Variants in KIAA0586 observed in about 807,000 individuals in gnomAD.
KIAA0586 encodes KIAA0586.
KIAA0586 carries 144 observed loss-of-function variants against 169.8 expected under a neutral mutation model. The observed-to-expected ratio is 0.85, with a 90% confidence interval of 0.74 to 0.97. The LOEUF (loss-of-function observed/expected upper bound fraction) is 0.97, where lower values mean the gene tolerates loss of function less well. Ranked by LOEUF, KIAA0586 falls within the 50% of genes least tolerant of loss-of-function variation. The pLI is 0.00. For missense variants in KIAA0586, 1,854 were observed against 1,823.0 expected (o/e 1.02, Z -0.31); for synonymous variants, 625 against 612.4 (o/e 1.02, Z -0.30).
intron 29 of KIAA0586, among the ~76,000 whole-genome samples, chr14:58,517,849 A>G (rs2044876325): frequency 6.6e-6 from 1 of 152,222 alleles, no homozygotes; most frequent in Admixed American, 6.5e-5. Flanking sequence ...TCTCAGTTGC[A>G]TTAAATGTAG....
rs553768598 is a variant in KIAA0586 at position 58,491,206 on chromosome 14, G to A, written c.3859-938G>A. ...CAAAGCATGTTTAAATTTATTTAAA[G>A]TAAATAGCTAAACCAAACCAAGACT... On this transcript the variant is annotated intron_variant, in intron 25 of 30. Transcript: ENST00000652326. Among the ~76,000 whole-genome samples the A allele has an allele frequency of 8.5e-5, 13 of 152,200 alleles. No individual in the cohort carries two copies. In the South Asian group the frequency reaches 2.7e-3, roughly 32 times the overall value.
chr14:58,539,064 A>G (rs28464638), intron 29 of KIAA0586, among the ~76,000 whole-genome samples: 64,940 of 152,052 alleles, frequency 0.43, 14,844 homozygotes, highest in African/African-American at 0.61. Flanking sequence ...ACAGGCATGA[A>G]CCACCTCACC....
the KIAA0586 span, among the ~76,000 whole-genome samples, chr14:58,557,573 G>A: frequency 6.6e-6 from 1 of 152,190 alleles, no homozygotes; most frequent in Non-Finnish European, 1.5e-5. Flanking sequence ...CCACCAGACC[G>A]AGAGATTTCA....
At chr14:58,472,861 G>C (rs906681011) in intron 18 of KIAA0586, among the ~76,000 whole-genome samples, 2 of 147,810 alleles carry the variant, frequency 1.4e-5, no homozygotes. Flanking sequence ...TTAGAGCTAA[G>C]ATCAGTTTTG....
intron 26 of KIAA0586, among the ~76,000 whole-genome samples, chr14:58,497,659 C>T (rs944555424): frequency 1.3e-5 from 2 of 151,852 alleles, no homozygotes; most frequent in African/African-American, 4.8e-5. Flanking sequence ...CGCCAGGCCT[C>T]TATACTTTTA....
At chr14:58,450,277 T>C (rs568550298) in intron 7 of KIAA0586, among the ~76,000 whole-genome samples, 2 of 152,344 alleles carry the variant, frequency 1.3e-5, no homozygotes, top group Admixed American at 1.3e-4. Flanking sequence ...CCTATACTTA[T>C]TGCCAGATGG....
chr14:58,547,679 T>G, intron 30 of KIAA0586, 102 bp from the exon 31 acceptor site: 1 of 976,724 alleles, frequency 1.0e-6, no homozygotes, highest in Non-Finnish European at 1.5e-6. Flanking sequence ...TTATTTGGAA[T>G]CCGCGCCCCC....
chr14:58,458,951 C>T (rs2040099329), intron 12 of KIAA0586, among the ~76,000 whole-genome samples: 2 of 152,128 alleles, frequency 1.3e-5, no homozygotes, highest in South Asian at 4.1e-4. Context: ...GAAGTCAGTT[C>T]CAGATGGAAA....
At chr14:58,555,874 G>A (rs556932477), downstream of KIAA0586, among the ~76,000 whole-genome samples, 1 of 152,274 alleles carries the variant, frequency 6.6e-6, no homozygotes, top group Non-Finnish European at 1.5e-5. Flanking sequence ...GGGGATAGAT[G>A]TCAATTTGAT....
Position 58,488,004 on chromosome 14 carries a change from T to C in KIAA0586, c.3422T>C (p.Leu1141Ser), listed in dbSNP as rs755937342. Residue 1141 changes from leucine to serine, a missense_variant, in exon 23 of 31, where the codon TTG (leucine) becomes TCG (serine). By Grantham distance (145) the Leu-to-Ser change is moderately radical. Coordinates refer to ENST00000652326, the MANE Select transcript of KIAA0586 (RefSeq NM_001329943.3). Reference sequence around the variant, plus strand: ...TTGTCAGATATTTCCATTGATAAATTGAAGGTATCAAGCCCAGAGCTTCCC... The same window carrying C: ...TTGTCAGATATTTCCATTGATAAATCGAAGGTATCAAGCCCAGAGCTTCCC... ...PTLSDISIDK[L>S]KVSSPELPKP... The C allele has an allele frequency of 2.5e-6, 4 of 1,612,324 alleles. No homozygotes were observed. The highest frequency in any genetic ancestry group is 3.4e-6 in the Non-Finnish European group (4 of 1,179,298).
At chr14:58,495,959 C>T (rs1388308263) in intron 26 of KIAA0586, among the ~76,000 whole-genome samples, 4 of 152,154 alleles carry the variant, frequency 2.6e-5, no homozygotes, top group African/African-American at 9.7e-5. Flanking sequence ...CCATGTCACA[C>T]ATAATGCTTT....
downstream of KIAA0586, among the ~76,000 whole-genome samples, chr14:58,555,052 G>T (rs1303983363): frequency 5.3e-5 from 8 of 150,954 alleles, no homozygotes; most frequent in Non-Finnish European, 1.2e-4. Flanking sequence ...ACAAAGTCTA[G>T]CAATGTTTTC....
chr14:58,535,699 ATTTT>A (rs3041108), intron 29 of KIAA0586, among the ~76,000 whole-genome samples: 15 of 141,288 alleles, frequency 1.1e-4, no homozygotes, highest in African/African-American at 1.6e-4. Context: ...AATTTATTGG[ATTTT>A]TTTTTTTTTT....
At chr14:58,439,030 A>G (rs571138842) in intron 4 of KIAA0586, among the ~76,000 whole-genome samples, 1 of 152,326 alleles carries the variant, frequency 6.6e-6, no homozygotes, top group South Asian at 2.1e-4. Context: ...TACGGTTGAG[A>G]GAGAGAAGTG....
chr14:58,561,278 A>G, the KIAA0586 span, among the ~76,000 whole-genome samples: 1 of 152,336 alleles, frequency 6.6e-6, no homozygotes, highest in East Asian at 1.9e-4. Context: ...TTCTTGCTAT[A>G]CATTTACATC....
intron 6 of KIAA0586, among the ~76,000 whole-genome samples, chr14:58,444,968 C>T (rs1405873280): frequency 6.7e-6 from 1 of 150,042 alleles, no homozygotes; most frequent in African/African-American, 2.5e-5. Context: ...TGGCATGTGC[C>T]TGTAGTCCCA....
chr14:58,487,842 T>C (rs1392173092), intron 22 of KIAA0586, 45 bp from the exon 23 acceptor site: 2 of 1,341,510 alleles, frequency 1.5e-6, no homozygotes, highest in Non-Finnish European at 1.0e-6. Flanking sequence ...TGGAGTTCTT[T>C]ACTGACTACT....
At chr14:58,501,184 G>A (rs897581300) in intron 27 of KIAA0586, among the ~76,000 whole-genome samples, 6 of 152,168 alleles carry the variant, frequency 3.9e-5, no homozygotes, top group Non-Finnish European at 7.4e-5. Flanking sequence ...GAAGTATTTA[G>A]TTTCATATTG....
intron 26 of KIAA0586, among the ~76,000 whole-genome samples, chr14:58,497,484 C>T (rs1595380081): frequency 6.6e-6 from 1 of 151,746 alleles, no homozygotes. Context: ...CTCAGCCTCC[C>T]AGGTAGCTGG....
Sources: allele counts gnomAD v4.1 joint callset (sites outside exome capture counted in the v4.1 genomes callset), GRCh38; gene constraint gnomAD v4.1.1; transcripts MANE v1.5; gene names NCBI Gene and HGNC (gene_info 2026-07-23, HGNC 2026-07-21).